The following TMEM67 variants were observed in gnomAD, a reference collection of about 807,000 sequenced individuals.
TMEM67 encodes meckelin.
TMEM67 carries 124 observed loss-of-function variants against 136.6 expected under a neutral mutation model. The observed-to-expected ratio is 0.91, with a 90% CI of 0.78 to 1.05. The LOEUF (loss-of-function observed/expected upper bound fraction) is 1.05. Ranked by LOEUF, TMEM67 falls within the 50% of genes least tolerant of loss-of-function variation. The probability of loss-of-function intolerance (pLI) is 0.00; values close to 1 mark genes in which losing one functional copy is unlikely to be tolerated. For missense variants in TMEM67, 1,107 were observed against 1,178.4 expected (o/e 0.94, Z 0.89); for synonymous variants, 364 against 390.5 (o/e 0.93, Z 0.80).
At chr8:93,763,989 G>GT (rs1812968266) in intron 4 of TMEM67, 48 bp downstream of exon 4, 3 of 1,170,298 alleles carry the variant, frequency 2.6e-6, no homozygotes, top group East Asian at 4.8e-5. Flanking sequence ...TCTTATATTA[G>GT]TGTATAATTT....
Position 93,816,520 on chromosome 8 carries a change from G to T in TMEM67, c.*68G>T. The T allele has an allele frequency of 3.5e-6, 3 of 851,648 alleles. No homozygotes were observed. Among genetic ancestry groups the T allele is most frequent in the Admixed American group, 4.1e-5 (2 of 48,298 alleles). The allele number at this position is 851,648 out of a possible 1,614,324, so 52.8% of individuals were successfully genotyped here. On this transcript the variant is annotated 3_prime_UTR_variant, in exon 28 of 28. Coordinates refer to ENST00000453321, the MANE Select transcript of TMEM67 (RefSeq NM_153704.6). ...AAAAAAAAGTCATGATATCAGGTTA[G>T]TTTGCCATATTTTTTAAAACTTATA... is the stretch of plus-strand genomic sequence containing the variant.
At chr8:93,830,522 C>G in the TMEM67 span, among the ~76,000 whole-genome samples, 1 of 152,184 alleles carries the variant, frequency 6.6e-6, no homozygotes, top group Non-Finnish European at 1.5e-5. Context: ...GGATCTGACA[C>G]TGTCTCCAGA....
chr8:93,764,309 A>G (rs1228847612), intron 4 of TMEM67, among the ~76,000 whole-genome samples: 1 of 152,088 alleles, frequency 6.6e-6, no homozygotes, highest in East Asian at 1.9e-4. Context: ...CAGGGTAGCT[A>G]TTTTTGTTTG....
intron 23 of TMEM67, among the ~76,000 whole-genome samples, chr8:93,806,547 A>G (rs1308191635): frequency 6.6e-6 from 1 of 152,160 alleles, no homozygotes; most frequent in Admixed American, 6.6e-5. Context: ...TCTACTATGT[A>G]CATTTGGAAA....
chr8:93,777,365 G>C (rs1052708068), intron 7 of TMEM67, among the ~76,000 whole-genome samples: 4 of 151,914 alleles, frequency 2.6e-5, no homozygotes, highest in African/African-American at 9.7e-5. Context: ...GTTCTCCTCT[G>C]GTCTTAGTTA....
intron 7 of TMEM67, among the ~76,000 whole-genome samples, chr8:93,773,897 T>C (rs2130628185): frequency 6.6e-6 from 1 of 152,306 alleles, no homozygotes; most frequent in Admixed American, 6.5e-5. Context: ...AACCTAAAAT[T>C]TACAATTAAA....
the TMEM67 span, among the ~76,000 whole-genome samples, chr8:93,827,018 A>G: frequency 6.6e-6 from 1 of 152,024 alleles, no homozygotes; most frequent in African/African-American, 2.4e-5. Context: ...TTTAGTAGAG[A>G]CAAGGTTTCA....
rs1411472195 is a variant in TMEM67 at position 93,799,546 on chromosome 8, T to G, written c.2101-72T>G. 1.0e-4 allele frequency: 157 copies of G among 1,504,640 alleles called. No homozygotes were observed. The East Asian group carries it at 3.5e-3, about 33-fold the overall frequency. 93.2% of individuals were successfully genotyped at this position (1,504,640 alleles called of 1,614,324 possible). A position where few individuals can be genotyped will look rare whatever the true frequency, so the allele number is the denominator to read the frequency against. On this transcript the variant is annotated intron_variant, in intron 20 of 27. Transcript: ENST00000453321. ...TTTTCAAGGTGAGTAGGGAGAGGTT[T>G]TCTGTTTTCAGTCTAGAGTAGTTTT...
rs997025943 is a variant in TMEM67, at chr8:93,797,478, CTG to C, written c.2100+10_2100+11del. 3 of 1,612,130 alleles carry C rather than the reference CTG, an allele frequency of 1.9e-6. No homozygotes were observed. The African/African-American group carries it at 4.0e-5, about 22-fold the overall frequency. On this transcript the variant is annotated intron_variant, in intron 20 of 27. Transcript: ENST00000453321. ...GTCCTCTTCTTTTTGGAGGTATAAA[CTG>C]TTTGATGTGATTATATGCGACTTAC... is the stretch of plus-strand genomic sequence containing the variant.
chr8:93,781,298 T>C (rs182352262), intron 9 of TMEM67, among the ~76,000 whole-genome samples: 50 of 152,316 alleles, frequency 3.3e-4, no homozygotes, highest in African/African-American at 8.9e-4. Context: ...CAAAGATTGA[T>C]TGGGGCTCTG....
intron 25 of TMEM67, 48 bp from the exon 26 acceptor site, chr8:93,809,737 T>C (rs1808620557): frequency 9.2e-7 from 1 of 1,081,818 alleles, no homozygotes; most frequent in Admixed American, 1.8e-5. Context: ...TTGCAAAGCA[T>C]TTATTTCACT....
the TMEM67 span, among the ~76,000 whole-genome samples, chr8:93,832,057 C>T: frequency 6.6e-6 from 1 of 152,132 alleles, no homozygotes; most frequent in Non-Finnish European, 1.5e-5. Context: ...CCTTTTAGGC[C>T]CTGGCCTGCT....
chr8:93,797,107 A>T, intron 18 of TMEM67, 27 bp from the exon 19 acceptor site: 1 of 1,355,100 alleles, frequency 7.4e-7, no homozygotes, highest in Non-Finnish European at 1.1e-6. Flanking sequence ...GTACTTTTTC[A>T]GGTGTTTTAT....
the TMEM67 span, among the ~76,000 whole-genome samples, chr8:93,826,850 A>T: frequency 6.6e-6 from 1 of 152,088 alleles, no homozygotes. Flanking sequence ...ATTTTTTGAG[A>T]TAGAGTCTCG....
chr8:93,770,622 A>G (rs572195321), intron 6 of TMEM67, among the ~76,000 whole-genome samples: 1 of 152,258 alleles, frequency 6.6e-6, no homozygotes, highest in South Asian at 2.1e-4. Flanking sequence ...AGTGAAACAT[A>G]TTTTCGCAAG....
chr8:93,777,903 A>G (rs1348870614), intron 7 of TMEM67, among the ~76,000 whole-genome samples: 3 of 152,176 alleles, frequency 2.0e-5, no homozygotes, highest in African/African-American at 7.2e-5. Flanking sequence ...AGTCCTGGAT[A>G]TTCTTGTTAA....
intron 3 of TMEM67, among the ~76,000 whole-genome samples, chr8:93,761,281 A>G (rs916933242): frequency 1.3e-5 from 2 of 152,200 alleles, no homozygotes; most frequent in Non-Finnish European, 2.9e-5. Flanking sequence ...CCTGGGCAAC[A>G]AGAGTGAAAC....
the TMEM67 span, among the ~76,000 whole-genome samples, chr8:93,824,241 A>G: frequency 1.3e-5 from 2 of 152,210 alleles, no homozygotes; most frequent in Non-Finnish European, 2.9e-5. Flanking sequence ...CAGTGTTTGC[A>G]TGGTGCTTTG....
At chr8:93,824,588 T>C in the TMEM67 span, among the ~76,000 whole-genome samples, 1 of 152,136 alleles carries the variant, frequency 6.6e-6, no homozygotes, top group Non-Finnish European at 1.5e-5. Flanking sequence ...AGAGGCACAG[T>C]AGAATTATAG....
Sources: gnomAD v4.1 joint callset for allele counts (sites outside exome capture counted in the v4.1 genomes callset) on GRCh38, gnomAD v4.1.1 for gene constraint, MANE v1.5 for transcripts, NCBI Gene and HGNC (gene_info 2026-07-23, HGNC 2026-07-21) for gene names.